Variants in SPHKAP observed in about 807,000 individuals in gnomAD.
SPHKAP encodes the protein SPHK1 interactor, AKAP domain containing.
In SPHKAP, 67 loss-of-function variants were observed where a neutral mutation model predicts 137.5. The ratio of observed to expected loss-of-function variants is 0.49; its 90% CI spans 0.40 to 0.60. SPHKAP has a LOEUF of 0.60. Ranked by LOEUF, SPHKAP falls within the 20% of genes least tolerant of loss-of-function variation. SPHKAP has a pLI of 0.00. For missense variants in SPHKAP, 2,097 were observed against 2,069.3 expected, an observed-to-expected ratio of 1.01 and a Z score of -0.26; for synonymous variants, 813 against 785.3, an observed-to-expected ratio of 1.04 and a Z score of -0.59.
intron 3 of SPHKAP, among the ~76,000 whole-genome samples, chr2:228,046,819 A>G (rs1165472076): frequency 1.3e-5 from 2 of 152,172 alleles, no homozygotes; most frequent in African/African-American, 4.8e-5. Flanking sequence ...GAAAAGCCTC[A>G]AAAAGACCCC....
intron 7 of SPHKAP, among the ~76,000 whole-genome samples, chr2:228,000,986 C>A (rs887051509): frequency 3.3e-5 from 5 of 152,050 alleles, no homozygotes; most frequent in Non-Finnish European, 7.4e-5. Context: ...AGTGGCTGCT[C>A]CATTCTGTAT....
intron 1 of SPHKAP, among the ~76,000 whole-genome samples, chr2:228,141,704 G>A (rs1699612033): frequency 6.6e-6 from 1 of 152,066 alleles, no homozygotes; most frequent in Non-Finnish European, 1.5e-5. Flanking sequence ...CAAAGATGCA[G>A]CCTGTTCATG....
intron 2 of SPHKAP, among the ~76,000 whole-genome samples, chr2:228,110,987 T>G (rs1447347505): frequency 2.6e-5 from 4 of 152,150 alleles, no homozygotes; most frequent in Non-Finnish European, 5.9e-5. Context: ...ATTTGTAATA[T>G]GGAAATTAGC....
intron 1 of SPHKAP, among the ~76,000 whole-genome samples, chr2:228,164,875 G>A (rs999995724): frequency 1.3e-5 from 2 of 152,168 alleles, no homozygotes; most frequent in African/African-American, 2.4e-5. Flanking sequence ...ATTGTCATAT[G>A]TTCTTAAAGA....
intron 2 of SPHKAP, among the ~76,000 whole-genome samples, chr2:228,116,580 C>A (rs1574863767): frequency 6.6e-6 from 1 of 152,088 alleles, no homozygotes; most frequent in Admixed American, 6.6e-5. Flanking sequence ...CTTCAATTGA[C>A]TAACTGATCC....
chr2:228,084,959 T>C (rs930993023), intron 3 of SPHKAP, among the ~76,000 whole-genome samples: 1 of 152,188 alleles, frequency 6.6e-6, no homozygotes, highest in African/African-American at 2.4e-5. Context: ...AAAATACACC[T>C]CTAGTTCTTT....
chr2:228,121,338 T>C (rs1422817666), intron 2 of SPHKAP, among the ~76,000 whole-genome samples: 1 of 152,016 alleles, frequency 6.6e-6, no homozygotes, highest in African/African-American at 2.4e-5. Context: ...TGTGAAACCC[T>C]GTCTCTACAA....
intron 3 of SPHKAP, among the ~76,000 whole-genome samples, chr2:228,088,771 T>C (rs760000510): frequency 6.6e-6 from 1 of 152,312 alleles, no homozygotes; most frequent in Non-Finnish European, 1.5e-5. Flanking sequence ...TCTTGCCATG[T>C]GATGCACTGG....
At chr2:228,067,057 A>T (rs1489715160) in intron 3 of SPHKAP, among the ~76,000 whole-genome samples, 1 of 152,238 alleles carries the variant, frequency 6.6e-6, no homozygotes. Flanking sequence ...TGACTAAAAA[A>T]GTGCAGATCC....
intron 3 of SPHKAP, among the ~76,000 whole-genome samples, chr2:228,044,718 A>C (rs1025423306): frequency 6.6e-6 from 1 of 152,234 alleles, no homozygotes; most frequent in Non-Finnish European, 1.5e-5. Context: ...CATCTATTAC[A>C]GTGAGTAGGA....
intron 3 of SPHKAP, among the ~76,000 whole-genome samples, chr2:228,029,814 T>A (rs1695210034): frequency 6.6e-6 from 1 of 152,154 alleles, no homozygotes; most frequent in African/African-American, 2.4e-5. Context: ...CTGGTGGTAT[T>A]GAATTGATGA....
intron 2 of SPHKAP, among the ~76,000 whole-genome samples, chr2:228,112,910 C>A (rs1698564801): frequency 6.6e-6 from 1 of 152,250 alleles, no homozygotes; most frequent in South Asian, 2.1e-4. Context: ...ATGAAAAATT[C>A]TAGAAAGATT....
intron 3 of SPHKAP, among the ~76,000 whole-genome samples, chr2:228,063,174 A>ATCTATCTATCTATCTATCTGTCTG (rs756046439): frequency 3.4e-5 from 5 of 147,174 alleles, no homozygotes; most frequent in African/African-American, 1.0e-4. Flanking sequence ...CTATCTATCT[A>ATCTATCTATCTATCTATCTGTCTG]TCTGTCTGTC....
chr2:228,153,418 G>A (rs1341142819), intron 1 of SPHKAP, among the ~76,000 whole-genome samples: 1 of 152,098 alleles, frequency 6.6e-6, no homozygotes, highest in Admixed American at 6.6e-5. Flanking sequence ...TCAGTGAGAA[G>A]TAACTTTCTC....
chr2:228,076,293 G>A (rs1347165841), intron 3 of SPHKAP, among the ~76,000 whole-genome samples: 2 of 152,216 alleles, frequency 1.3e-5, no homozygotes, highest in Non-Finnish European at 1.5e-5. Flanking sequence ...CCAGTAGAGC[G>A]AAGTGCTGCT....
intron 3 of SPHKAP, among the ~76,000 whole-genome samples, chr2:228,042,826 C>T (rs1048052460): frequency 1.3e-5 from 2 of 151,988 alleles, no homozygotes; most frequent in South Asian, 2.1e-4. Context: ...GTATAAGAAC[C>T]AAATGTTATT....
intron 7 of SPHKAP, among the ~76,000 whole-genome samples, chr2:228,008,411 C>T (rs541973073): frequency 2.6e-4 from 40 of 151,762 alleles, no homozygotes; most frequent in Non-Finnish European, 5.1e-4. Flanking sequence ...ATTCTCCTGT[C>T]TCAGCCTCCC....
Position 228,099,819 on chromosome 2 carries a change from A to G in SPHKAP, c.246+9013T>C, listed in dbSNP as rs190990386. On this transcript the variant is annotated intron_variant, in intron 3 of 11. Coordinates refer to ENST00000392056, the MANE Select transcript of SPHKAP (RefSeq NM_001142644.2). ...GTGTTATTTGGCTCTCATCTTGAGT[A>G]TTATTGGTGTACAGAAATGCTACTG... Among the ~76,000 whole-genome samples, 167 of 150,764 alleles carry G rather than the reference A, an allele frequency of 1.1e-3. 1 individual carries two copies. Among genetic ancestry groups the G allele is most frequent in the African/African-American group, 3.6e-3 (149 of 41,152 alleles).
intron 4 of SPHKAP, among the ~76,000 whole-genome samples, chr2:228,026,624 C>CTCTG (rs33933430): frequency 6.5e-4 from 5 of 7,702 alleles, no homozygotes; most frequent in Non-Finnish European, 1.0e-3. Flanking sequence ...GCCCTCCCTG[C>CTCTG]TCTTTGATGG....
Sources: allele counts gnomAD v4.1 joint callset (sites outside exome capture counted in the v4.1 genomes callset), GRCh38; gene constraint gnomAD v4.1.1; transcripts MANE v1.5; gene names NCBI Gene and HGNC (gene_info 2026-07-23, HGNC 2026-07-21).